Variants in GDF1 observed in about 807,000 individuals in gnomAD.
The protein encoded by GDF1 is embryonic growth/differentiation factor 1.
Under a neutral mutation model 7.4 loss-of-function variants are expected in GDF1, and 8 were observed. That is an observed-to-expected ratio of 1.09 (90% CI 0.64 to 1.96). The LOEUF (loss-of-function observed/expected upper bound fraction) is 1.96, where lower values mean the gene tolerates loss of function less well. Among genes scored for constraint, GDF1 ranks in the 30% most tolerant of loss-of-function variants. GDF1 has a pLI of 0.00. For missense variants in GDF1, 574 were observed against 551.5 expected, an observed-to-expected ratio of 1.04 and a Z score of -0.41; for synonymous variants, 311 against 276.7, an observed-to-expected ratio of 1.12 and a Z score of -1.23.
At chr19:18,885,551 G>T in intron 2 of GDF1, among the ~76,000 whole-genome samples, 1 of 130,176 alleles carries the variant, frequency 7.7e-6, no homozygotes, top group Admixed American at 8.7e-5. Flanking sequence ...ATGGAGTCTT[G>T]CTCTGTAGCC....
Position 18,870,297 on chromosome 19 carries a change from G to A in GDF1, c.11C>T (p.Pro4Leu). Residue 4 changes from proline (P) to leucine (L), a missense_variant, in exon 7 of 8, where the codon CCG (proline) becomes CTG (leucine). Transcript: ENST00000247005. This position sits in a 1 kb window ranked among gnomAD's most constrained non-coding sequence, Gnocchi z 5.1. ...GTGGTGGCCGCAGGGACCTTGCTGC[G>A]GCGGTGGCATCTTCCTCCCAGGCGA... MPP[P>L]QQGPCGHHLL... 3 of 1,546,182 alleles carry A rather than the reference G, an allele frequency of 1.9e-6. No homozygotes were observed. The highest frequency in any genetic ancestry group is 2.6e-6 in the Non-Finnish European group (3 of 1,146,784).
In GDF1 at chr19:18,879,132, C is replaced by T. The variant is rs769732383; in HGVS notation, c.-422-93G>A. 3.1e-4 allele frequency: 499 copies of T among 1,585,774 alleles called. 1 individual carries two copies. The highest frequency in any genetic ancestry group is 3.2e-4 in the Non-Finnish European group (370 of 1,166,894). On this transcript the variant is annotated intron_variant, in intron 5 of 7. Coordinates refer to ENST00000247005, the MANE Select transcript of GDF1 (RefSeq NM_001492.6). ...GTGCTCCTGTCCCGGGCCCTCCACA[C>T]GGGCTGTCTGCCACCTAACGTGCCC...
rs2146032932 is a variant in GDF1 at position 18,884,110 on chromosome 19, G to A, written c.-756C>T. Reference sequence around the variant, plus strand: ...ACCGGAAGGCGTAGGAGGAGACGATGAGGATGAGAGTGACCACGTGGTGGA... The same window carrying A: ...ACCGGAAGGCGTAGGAGGAGACGATAAGGATGAGAGTGACCACGTGGTGGA... On this transcript the variant is annotated 5_prime_UTR_variant, in exon 3 of 8. Coordinates refer to ENST00000247005, the MANE Select transcript of GDF1 (RefSeq NM_001492.6). The A allele has an allele frequency of 1.2e-6, 2 of 1,613,446 alleles. No individual in the cohort carries two copies. Among genetic ancestry groups the A allele is most frequent in the Non-Finnish European group, 1.7e-6 (2 of 1,179,646 alleles).
In GDF1 at chr19:18,881,863, C is replaced by G. The variant is rs1445697612; in HGVS notation, c.-732-1428G>C. On this transcript the variant is annotated intron_variant, in intron 3 of 7. Transcript: ENST00000247005. Reference sequence around the variant, plus strand: ...GGAGACACAGCCTCACTCTGTTGCCCAGGCTGGAATGCCTCGGCTCACAGC... The same window carrying G: ...GGAGACACAGCCTCACTCTGTTGCCGAGGCTGGAATGCCTCGGCTCACAGC... The G allele has an allele frequency of 2.0e-5, 3 of 152,270 alleles. No homozygotes were observed. The East Asian group carries it at 5.8e-4, about 29-fold the overall frequency. The allele number at this position is 152,270 out of a possible 1,614,324, so 9.4% of individuals were successfully genotyped here. A position where few individuals can be genotyped will look rare whatever the true frequency, so the allele number is the denominator to read the frequency against.
intron 7 of GDF1, 104 bp downstream of exon 7, chr19:18,869,879 G>A (rs2055933139): frequency 1.7e-6 from 2 of 1,147,920 alleles, no homozygotes; most frequent in South Asian, 1.3e-5. Flanking sequence ...GACAGGGCGG[G>A]TGGGGACCCT....
At chr19:18,890,230 T>C (rs541284249) in intron 2 of GDF1, among the ~76,000 whole-genome samples, 75 of 152,294 alleles carry the variant, frequency 4.9e-4, no homozygotes, top group Non-Finnish European at 7.9e-4. Context: ...CCCCTGTCCC[T>C]GCTAAAAACT....
At chr19:18,880,540 G>A (rs1166178208) in intron 3 of GDF1, 105 bp from the exon 4 acceptor site, 21 of 1,171,848 alleles carry the variant, frequency 1.8e-5, no homozygotes, top group Middle Eastern at 3.0e-4. Context: ...CAGGCTCCCC[G>A]TGGGCCTCTT....
chr19:18,887,071 C>T (rs1263345931), intron 2 of GDF1, among the ~76,000 whole-genome samples: 1 of 152,238 alleles, frequency 6.6e-6, no homozygotes, highest in African/African-American at 2.4e-5. Context: ...TCCCTGTCTA[C>T]AGCAGCACAC....
chr19:18,885,511 G>GTTTTTTTTTTTT (rs59793456), intron 2 of GDF1, among the ~76,000 whole-genome samples: 1 of 22,122 alleles, frequency 4.5e-5, no homozygotes, highest in African/African-American at 1.1e-4. Context: ...GCCCCTTCTC[G>GTTTTTTTTTTTT]TTTTTTTTTT....
chr19:18,892,430 C>T (rs1480959149), intron 2 of GDF1, among the ~76,000 whole-genome samples: 2 of 151,746 alleles, frequency 1.3e-5, no homozygotes, highest in African/African-American at 2.4e-5. Flanking sequence ...CTGGCTAACA[C>T]GGTGAAACCC....
intron 3 of GDF1, among the ~76,000 whole-genome samples, chr19:18,882,851 C>T (rs1383528351): frequency 6.6e-6 from 1 of 151,842 alleles, no homozygotes; most frequent in African/African-American, 2.4e-5. Flanking sequence ...CACCACCACG[C>T]CCAGCTAATT....
chr19:18,869,668 T>C (rs2055928053), intron 7 of GDF1, among the ~76,000 whole-genome samples: 1 of 108,238 alleles, frequency 9.2e-6, no homozygotes, highest in Admixed American at 1.4e-4. Flanking sequence ...CCTGGGCCCC[T>C]GGGGAAGCCA....
intron 6 of GDF1, among the ~76,000 whole-genome samples, chr19:18,877,756 C>CAAAAAAAA (rs386388683): frequency 1.9e-5 from 2 of 103,970 alleles, no homozygotes; most frequent in East Asian, 2.8e-4. Flanking sequence ...GACCCTGTCT[C>CAAAAAAAA]AAAAAAAAAA....
chr19:18,872,661 G>A (rs536422154), intron 6 of GDF1, among the ~76,000 whole-genome samples: 27 of 145,416 alleles, frequency 1.9e-4, no homozygotes, highest in African/African-American at 6.4e-4. Context: ...GATTACAGGC[G>A]CCTGCCACCA....
rs2056597017 is a variant in GDF1 at position 18,895,266 on chromosome 19, C to G, written c.-1074+558G>C. ...CTCTTCCCGATTACAGCGGGCAAGC[C>G]GGCCCCGCCGCCGCACGGACCCAGC... On this transcript the variant is annotated intron_variant, in intron 1 of 7. Transcript: ENST00000247005. This position sits in a 1 kb window ranked among gnomAD's most constrained non-coding sequence, Gnocchi z 6.4. Among the ~76,000 whole-genome samples, 1 of 152,228 alleles carries G rather than the reference C, an allele frequency of 6.6e-6. No homozygotes were observed. Among genetic ancestry groups the G allele is most frequent in the African/African-American group, 2.4e-5 (1 of 41,458 alleles).
At chr19:18,875,274 G>A (rs951510674) in intron 6 of GDF1, among the ~76,000 whole-genome samples, 8 of 150,238 alleles carry the variant, frequency 5.3e-5, no homozygotes, top group African/African-American at 1.5e-4. Flanking sequence ...GGCTGGGCGC[G>A]GTGGCTCACG....
chr19:18,877,304 G>C (rs2056075662), intron 6 of GDF1, among the ~76,000 whole-genome samples: 1 of 152,110 alleles, frequency 6.6e-6, no homozygotes, highest in Admixed American at 6.6e-5. Context: ...CTCTTGTTCT[G>C]GGTTCTGCAC....
intron 3 of GDF1, chr19:18,883,105 C>T (rs900381597): frequency 4.6e-5 from 7 of 152,214 alleles, no homozygotes; most frequent in Non-Finnish European, 1.0e-4. Context: ...GGACTACAGG[C>T]ATGAGCTACT....
chr19:18,883,162 T>C (rs1405478902), intron 3 of GDF1: 7 of 152,196 alleles, frequency 4.6e-5, no homozygotes, highest in African/African-American at 1.7e-4. Context: ...AAGGGCCACC[T>C]CTTTGTTGCT....
Sources: allele counts gnomAD v4.1 joint callset (sites outside exome capture counted in the v4.1 genomes callset), GRCh38; gene constraint gnomAD v4.1.1; non-coding constraint Gnocchi (gnomAD v3.1); transcripts MANE v1.5; gene names NCBI Gene and HGNC (gene_info 2026-07-23, HGNC 2026-07-21).